The following NEMF variants were observed in gnomAD, a reference collection of about 807,000 sequenced individuals.
NEMF encodes the protein nuclear export mediator factor.
NEMF carries 89 observed loss-of-function variants against 162.2 expected under a neutral mutation model. The ratio of observed to expected loss-of-function variants is 0.55; its 90% CI spans 0.46 to 0.65. The LOEUF (loss-of-function observed/expected upper bound fraction) is 0.65. Among genes scored for constraint, NEMF ranks in the 30% least tolerant of loss-of-function variants. The pLI is 0.00. For missense variants in NEMF, 1,133 were observed against 1,261.9 expected, an observed-to-expected ratio of 0.90 and a Z score of 1.55; for synonymous variants, 421 against 404.5, an observed-to-expected ratio of 1.04 and a Z score of -0.49.
intron 18 of NEMF, among the ~76,000 whole-genome samples, chr14:49,812,228 A>G (rs1012213676): frequency 6.6e-5 from 10 of 152,108 alleles, no homozygotes; most frequent in African/African-American, 2.4e-4. Flanking sequence ...ATTCCCTTAT[A>G]ATCCTTTCAA....
intron 11 of NEMF, among the ~76,000 whole-genome samples, chr14:49,829,824 C>T (rs191161232): frequency 1.3e-5 from 2 of 152,194 alleles, no homozygotes; most frequent in East Asian, 3.9e-4. Flanking sequence ...GCCCAGGCTG[C>T]TCTCCAATGT....
chr14:49,786,402 A>G (rs1321784762), intron 29 of NEMF: 1 of 288,660 alleles, frequency 3.5e-6, no homozygotes, highest in Non-Finnish European at 6.5e-6. Flanking sequence ...GTGCTGAAGT[A>G]TAATTAATAT....
intron 25 of NEMF, chr14:49,796,208 C>G: frequency 1.9e-6 from 1 of 531,884 alleles, no homozygotes; most frequent in Non-Finnish European, 3.6e-6. Flanking sequence ...TCCTTACTCA[C>G]TAGGCACATT....
chr14:49,825,626 C>T (rs978298485), intron 16 of NEMF, among the ~76,000 whole-genome samples: 2 of 152,164 alleles, frequency 1.3e-5, no homozygotes, highest in East Asian at 3.9e-4. Context: ...GTCTCAGCTA[C>T]TTGGGAGGCT....
chr14:49,805,573 T>A (rs1432380861), intron 19 of NEMF, among the ~76,000 whole-genome samples: 1 of 149,470 alleles, frequency 6.7e-6, no homozygotes. Context: ...TAAAAACAAG[T>A]GAATTTAAAA....
chr14:49,846,228 GC>G lies in NEMF; in HGVS notation c.268del (p.Ala90GlnfsTer10). On this transcript the variant is annotated frameshift_variant, in exon 4 of 33. Coordinates refer to ENST00000298310, the MANE Select transcript of NEMF (RefSeq NM_004713.6). LOFTEE classifies it high-confidence loss of function. The stretch of plus-strand genomic sequence containing the variant: ...AATTCTATCCACACCAAGCTGTTTT[GC>G]ACTGACTAATCTCCGACTCTTCAAA... The part of the protein sequence containing the change: ...KHLKSRRLVS[A>X]KQLGVDRIVD... 1.9e-6 allele frequency: 3 copies of G among 1,613,664 alleles called. No homozygotes were observed. Among genetic ancestry groups the G allele is most frequent in the Non-Finnish European group, 2.5e-6 (3 of 1,179,792 alleles).
intron 3 of NEMF, among the ~76,000 whole-genome samples, chr14:49,850,548 A>G (rs1041603472): frequency 1.9e-4 from 29 of 152,220 alleles, no homozygotes; most frequent in African/African-American, 7.0e-4. Context: ...AAAGTTAAGT[A>G]TATGTGACTC....
chr14:49,795,986 G>C, intron 25 of NEMF, 42 bp from the exon 26 acceptor site: 1 of 1,518,982 alleles, frequency 6.6e-7, no homozygotes, highest in Non-Finnish European at 8.9e-7. Flanking sequence ...CTTAGAATTT[G>C]AAATTCTTAG....
At chr14:49,852,623 GTT>G in intron 1 of NEMF, 70 bp downstream of exon 1, 1 of 1,528,186 alleles carries the variant, frequency 6.5e-7, no homozygotes. Context: ...AAGCTGGTCT[GTT>G]TGCGCCATGG....
Position 49,816,066 on chromosome 14 carries a change from G to C in NEMF, c.1578-1209C>G, listed in dbSNP as rs146091187. Among the ~76,000 whole-genome samples the C allele has an allele frequency of 3.4e-3, 524 of 152,260 alleles. 3 individuals carry two copies. The highest frequency in any genetic ancestry group is 0.012 in the African/African-American group (501 of 41,546). The stretch of plus-strand genomic sequence containing the variant: ...CACCAAAGAGGGAGCCATTGTGACT[G>C]GCTTCCTGAGTATCCGTCTCAAGAT... On this transcript the variant is annotated intron_variant, in intron 16 of 32. Transcript: ENST00000298310.
At chr14:49,807,592 ATTTTTTTTTTTT>A (rs371689750) in intron 18 of NEMF, among the ~76,000 whole-genome samples, 7 of 125,366 alleles carry the variant, frequency 5.6e-5, no homozygotes, top group African/African-American at 2.1e-4. Flanking sequence ...GTATCTTGTG[ATTTTTTTTTTTT>A]TTTTTTTTTG....
Position 49,783,433 on chromosome 14 carries a change from C to T in NEMF, c.*1203G>A, listed in dbSNP as rs1191759281. The stretch of plus-strand genomic sequence containing the variant: ...GCTGGAAAAACAAAGTGTGGAGGGA[C>T]CAACAACTGTTCAGTACTTTGACCT... On this transcript the variant is annotated 3_prime_UTR_variant, in exon 33 of 33. Transcript: ENST00000298310. The T allele has an allele frequency of 6.6e-6, 1 of 151,954 alleles. No individual in the cohort carries two copies. Among genetic ancestry groups the T allele is most frequent in the Non-Finnish European group, 1.5e-5 (1 of 68,138 alleles). 9.4% of individuals were successfully genotyped at this position (151,954 alleles called of 1,614,324 possible).
At chr14:49,791,363 C>T (rs527647598) in intron 26 of NEMF, among the ~76,000 whole-genome samples, 2 of 152,054 alleles carry the variant, frequency 1.3e-5, no homozygotes, top group Non-Finnish European at 2.9e-5. Flanking sequence ...GGCAAGCAAG[C>T]ATGAGCCTTC....
At chr14:49,786,919 G>A (rs1241810911) in intron 28 of NEMF, 169 bp from the exon 29 acceptor site, 21 of 597,040 alleles carry the variant, frequency 3.5e-5, no homozygotes, top group Non-Finnish European at 5.3e-5. Flanking sequence ...AAGTGGATTC[G>A]TATATGTGTT....
chr14:49,783,340 C>A lies in NEMF; in HGVS notation c.*1296G>T, dbSNP rs138161495. The A allele has an allele frequency of 6.6e-6, 1 of 150,902 alleles. No homozygotes were observed. Among genetic ancestry groups the A allele is most frequent in the Non-Finnish European group, 1.5e-5 (1 of 68,818 alleles). The allele number at this position is 150,902 out of a possible 1,614,324, so 9.3% of individuals were successfully genotyped here. A position where few individuals can be genotyped will look rare whatever the true frequency, so the allele number is the denominator to read the frequency against. ...GCAAGAGTAGTCTATAGTTATGTAACCTAGTGTTGTAAATACAATATAATA... is the reference window on the plus strand; with the variant it reads ...GCAAGAGTAGTCTATAGTTATGTAAACTAGTGTTGTAAATACAATATAATA... On this transcript the variant is annotated 3_prime_UTR_variant, in exon 33 of 33. Coordinates refer to ENST00000298310, the MANE Select transcript of NEMF (RefSeq NM_004713.6).
In NEMF at chr14:49,806,891, T is replaced by A. The variant is rs1035520023; in HGVS notation, c.1745-758A>T. Among the ~76,000 whole-genome samples, 23 of 152,372 alleles carry A rather than the reference T, an allele frequency of 1.5e-4. No homozygotes were observed. In the East Asian group the frequency reaches 1.9e-3, roughly 13 times the overall value. ...TTTTTAAATTGGGGTATAATTCACA[T>A]GCCATAAAATTCACCCCTTTAAAGT... On this transcript the variant is annotated intron_variant, in intron 18 of 32. Coordinates refer to ENST00000298310, the MANE Select transcript of NEMF (RefSeq NM_004713.6).
intron 4 of NEMF, chr14:49,844,817 G>A (rs917641260): frequency 1.6e-5 from 7 of 424,766 alleles, no homozygotes; most frequent in African/African-American, 1.0e-4. Flanking sequence ...CACCTGAGCT[G>A]GAGTACAATG....
Position 49,784,639 on chromosome 14 carries a change from T to C in NEMF, c.3228A>G (p.Lys1076=). Residue 1076 remains lysine, a synonymous_variant, in exon 33 of 33, where the codon AAA becomes AAG. Coordinates refer to ENST00000298310, the MANE Select transcript of NEMF (RefSeq NM_004713.6). ...SAPNLLNVKR[K] ...ATATTTTAGAATTTCATTTCAGCTA[T>C]TTCCTTTTTACGTTCAGAAGATTGG... is the stretch of plus-strand genomic sequence containing the variant. 1 of 1,605,896 alleles carries C rather than the reference T, an allele frequency of 6.2e-7. No individual in the cohort carries two copies. Among genetic ancestry groups the C allele is most frequent in the Non-Finnish European group, 8.5e-7 (1 of 1,175,008 alleles).
At chr14:49,810,829 A>G (rs1891442588) in intron 18 of NEMF, among the ~76,000 whole-genome samples, 2 of 152,198 alleles carry the variant, frequency 1.3e-5, no homozygotes, top group Admixed American at 6.5e-5. Context: ...CATCTCTACA[A>G]AAAACACAAA....
Sources: gnomAD v4.1 joint callset for allele counts (sites outside exome capture counted in the v4.1 genomes callset) on GRCh38, gnomAD v4.1.1 for gene constraint, MANE v1.5 for transcripts, NCBI Gene and HGNC (gene_info 2026-07-23, HGNC 2026-07-21) for gene names.